The following MYH9 variants were observed in gnomAD, a reference collection of about 807,000 sequenced individuals.
MYH9 encodes myosin-9.
A neutral mutation model predicts 241.9 loss-of-function variants in MYH9; 29 were observed. The ratio of observed to expected loss-of-function variants is 0.12; its 90% CI spans 0.09 to 0.16. The LOEUF is 0.16. Ranked by LOEUF, MYH9 falls within the 10% of genes least tolerant of loss-of-function variation. The probability of loss-of-function intolerance (pLI) is 1.00; values close to 1 mark genes in which losing one functional copy is unlikely to be tolerated. For synonymous variants in MYH9, 1,047 were observed against 1,062.6 expected (o/e 0.99, Z 0.29); for missense variants, 1,803 against 2,595.5 (o/e 0.69, Z 6.63).
intron 14 of MYH9, among the ~76,000 whole-genome samples, chr22:36,310,269 CAAAA>C (rs575607583): frequency 1.5e-5 from 2 of 133,952 alleles, no homozygotes; most frequent in African/African-American, 3.1e-5. Context: ...GACTCCGTCT[CAAAA>C]AAAAAAAAAA....
rs758825898 is a variant in MYH9, at chr22:36,285,275, C to T, written c.5329G>A (p.Glu1777Lys). ...CGTTCCAGCTGCTGCCGAGCATTCTCGTTCTTCTGGGCGTGGCTGCGCTCC... is the reference window on the plus strand; with the variant it reads ...CGTTCCAGCTGCTGCCGAGCATTCTTGTTCTTCTGGGCGTGGCTGCGCTCC... ...NLERSHAQKN[E>K]NARQQLERQN... The change falls in exon 38 of 41, where the codon GAG becomes AAG. Residue 1777 changes from glutamate (E) to lysine (K), a missense_variant. Glu to Lys is a moderately conservative substitution (Grantham distance 56). This residue lies in a region of MYH9 where 876 missense variants were observed against 1,077.8 expected (regional missense o/e 0.81). Transcript: ENST00000216181. This position sits in a 1 kb window ranked among gnomAD's most constrained non-coding sequence, Gnocchi z 7.0. 3.7e-6 allele frequency: 6 copies of T among 1,613,904 alleles called. No homozygotes were observed. Among genetic ancestry groups the T allele is most frequent in the Non-Finnish European group, 5.1e-6 (6 of 1,180,032 alleles).
chr22:36,298,867 A>G, intron 24 of MYH9, 52 bp downstream of exon 24: 1 of 1,608,182 alleles, frequency 6.2e-7, no homozygotes, highest in South Asian at 1.1e-5. Context: ...CCTGACCGCC[A>G]GCCCTTGCCC....
intron 1 of MYH9, among the ~76,000 whole-genome samples, chr22:36,357,701 C>A (rs1423210415): frequency 6.6e-6 from 1 of 152,104 alleles, no homozygotes; most frequent in East Asian, 1.9e-4. Flanking sequence ...GGCCAAATCT[C>A]CTTAACAAAA....
intron 5 of MYH9, chr22:36,325,220 C>T (rs5750251): frequency 1.5e-6 from 1 of 668,506 alleles, no homozygotes; most frequent in African/African-American, 1.8e-5. Context: ...GTATTAGTTT[C>T]TAAATATAAC....
At chr22:36,296,140 G>A (rs1365867346) in intron 25 of MYH9, among the ~76,000 whole-genome samples, 2 of 152,206 alleles carry the variant, frequency 1.3e-5, no homozygotes, top group Non-Finnish European at 1.5e-5. Flanking sequence ...AGGGGATGTT[G>A]ACTGCAGGGG....
chr22:36,319,444 A>C, intron 10 of MYH9, 96 bp downstream of exon 10: 5 of 1,126,040 alleles, frequency 4.4e-6, no homozygotes, highest in Non-Finnish European at 6.7e-6. Flanking sequence ...CATTAAAAAG[A>C]ATAGTGTCCG....
At position 36,348,840 on chromosome 22, in the gene MYH9, C is replaced by CG. The variant is rs1556642436; in HGVS notation, c.333+63dup. The stretch of plus-strand genomic sequence containing the variant: ...GGCACGTGAGGGTGATGGGAAGACC[C>CG]GCCCCCCCCCCCCACCTCGGAGCCC... On this transcript the variant is annotated intron_variant, in intron 2 of 40. Transcript: ENST00000216181. The CG allele has an allele frequency of 1.7e-5, 13 of 745,364 alleles. No homozygotes were observed. In the African/African-American group the frequency reaches 2.4e-4, roughly 14 times the overall value. The allele number at this position is 745,364 out of a possible 1,614,324, so 46.2% of individuals were successfully genotyped here. A position where few individuals can be genotyped will look rare whatever the true frequency, so the allele number is the denominator to read the frequency against.
chr22:36,351,723 C>T (rs1396460502), intron 1 of MYH9, among the ~76,000 whole-genome samples: 3 of 152,146 alleles, frequency 2.0e-5, no homozygotes, highest in Non-Finnish European at 2.9e-5. Context: ...TCTCAGGCTG[C>T]GGGTTCTCAG....
At chr22:36,352,427 G>A (rs961080775) in intron 1 of MYH9, among the ~76,000 whole-genome samples, 11 of 152,130 alleles carry the variant, frequency 7.2e-5, no homozygotes, top group African/African-American at 1.4e-4. Context: ...ACGCTGCTTC[G>A]CCCCAGCAAT....
chr22:36,373,422 C>T (rs61108118), intron 1 of MYH9, among the ~76,000 whole-genome samples: 6,393 of 152,284 alleles, frequency 0.042, 449 homozygotes, highest in African/African-American at 0.15. Flanking sequence ...GACACAACGG[C>T]GGAGGCGGGG....
Position 36,329,604 on chromosome 22 carries a change from C to T in MYH9, c.491-2116G>A, listed in dbSNP as rs977732963. Among the ~76,000 whole-genome samples, 1 of 152,190 alleles carries T rather than the reference C, an allele frequency of 6.6e-6. No homozygotes were observed. Among genetic ancestry groups the T allele is most frequent in the Non-Finnish European group, 1.5e-5 (1 of 68,034 alleles). On this transcript the variant is annotated intron_variant, in intron 3 of 40. Transcript: ENST00000216181. The surrounding 1 kb of genome is among the most constrained non-coding windows in gnomAD (Gnocchi z 4.1). ...GTCGTGAGCAGCCAACGGCCCAATG[C>T]TACCATAAAAGGAAACATTCCCCAA...
intron 3 of MYH9, among the ~76,000 whole-genome samples, chr22:36,328,439 C>T (rs1432815853): frequency 6.6e-6 from 1 of 152,190 alleles, no homozygotes; most frequent in African/African-American, 2.4e-5. Context: ...ATCTAATAGC[C>T]TCACCGTCCT....
intron 3 of MYH9, among the ~76,000 whole-genome samples, chr22:36,333,379 T>G (rs2017452870): frequency 6.6e-6 from 1 of 152,196 alleles, no homozygotes; most frequent in Non-Finnish European, 1.5e-5. Flanking sequence ...CTTCCTCTCC[T>G]TTCAGCTTAG....
chr22:36,286,015 C>A (rs1044571616), intron 35 of MYH9, 62 bp from the exon 36 acceptor site: 1 of 1,576,298 alleles, frequency 6.3e-7, no homozygotes, highest in African/African-American at 1.3e-5. Flanking sequence ...CCATCCTTCC[C>A]AGCCCCAGGC....
chr22:36,353,528 T>G (rs1603484157), intron 1 of MYH9, among the ~76,000 whole-genome samples: 1 of 151,924 alleles, frequency 6.6e-6, no homozygotes, highest in African/African-American at 2.4e-5. Context: ...AGCCGGCTAA[T>G]TTTTGTATTT....
At chr22:36,296,243 C>CT (rs574733940) in intron 25 of MYH9, among the ~76,000 whole-genome samples, 39 of 149,844 alleles carry the variant, frequency 2.6e-4, no homozygotes, top group South Asian at 6.4e-4. Flanking sequence ...AAGTCTCTTT[C>CT]TTTTTTTTTT....
chr22:36,376,400 C>T (rs1019403545), intron 1 of MYH9, among the ~76,000 whole-genome samples: 1 of 152,048 alleles, frequency 6.6e-6, no homozygotes, highest in Non-Finnish European at 1.5e-5. Context: ...GCTCAAGATG[C>T]TCAGATGTCT....
chr22:36,337,880 A>G (rs1446328936), intron 3 of MYH9, among the ~76,000 whole-genome samples: 1 of 152,224 alleles, frequency 6.6e-6, no homozygotes, highest in Non-Finnish European at 1.5e-5. Context: ...CTAGTGAACC[A>G]GCTTGTCATA....
intron 12 of MYH9, 60 bp downstream of exon 12, chr22:36,316,457 G>A (rs2017153917): frequency 1.2e-6 from 2 of 1,612,936 alleles, no homozygotes; most frequent in African/African-American, 2.7e-5. Flanking sequence ...TCTTAACCAA[G>A]GATAAGGCAA....
Sources: gnomAD v4.1 joint callset for allele counts (sites outside exome capture counted in the v4.1 genomes callset) on GRCh38, gnomAD v4.1.1 for gene constraint, gnomAD v4.1.1 regional missense constraint, Gnocchi (gnomAD v3.1) non-coding constraint, MANE v1.5 for transcripts, NCBI Gene and HGNC (gene_info 2026-07-23, HGNC 2026-07-21) for gene names.